The following CERT1 variants were observed in gnomAD, a reference collection of about 807,000 sequenced individuals.
The protein encoded by CERT1 is ceramide transporter 1, also known as ceramide transfer protein.
In CERT1, 31 loss-of-function variants were observed where a neutral mutation model predicts 87.9. The observed-to-expected ratio is 0.35, with a 90% CI of 0.27 to 0.48. The LOEUF (loss-of-function observed/expected upper bound fraction) is 0.48. Ranked by LOEUF, CERT1 falls within the 20% of genes least tolerant of loss-of-function variation. The pLI is 0.99. For synonymous variants in CERT1, 289 were observed against 250.9 expected, an observed-to-expected ratio of 1.15 and a Z score of -1.44; for missense variants, 487 against 758.0, an observed-to-expected ratio of 0.64 and a Z score of 4.20.
chr5:75,490,784 C>CA (rs1328692211), intron 2 of CERT1, among the ~76,000 whole-genome samples: 55 of 152,190 alleles, frequency 3.6e-4, no homozygotes, highest in Non-Finnish European at 7.4e-5. Flanking sequence ...AGGCGTGAGC[C>CA]ACTGTGCCCA....
intron 3 of CERT1, among the ~76,000 whole-genome samples, chr5:75,442,730 T>C (rs189047089): frequency 3.9e-5 from 6 of 151,900 alleles, no homozygotes; most frequent in East Asian, 3.9e-4. Flanking sequence ...TAGGTGAGTA[T>C]AGCACAGTAA....
Position 75,386,011 on chromosome 5 carries a change from T to C in CERT1, c.1308A>G (p.Glu436=). The C allele has an allele frequency of 6.3e-7, 1 of 1,575,980 alleles. No homozygotes were observed. The highest frequency in any genetic ancestry group is 1.4e-5 in the African/African-American group (1 of 73,582). ...TTAAAGGATCCAGAACAATCCCATTTTCTTCTACTTCTCTTCTGTATACCT... is the reference window on the plus strand; with the variant it reads ...TTAAAGGATCCAGAACAATCCCATTCTCTTCTACTTCTCTTCTGTATACCT... ...EMKVYRREVE[E]NGIVLDPLKA... The change falls in exon 13 of 17, where the codon GAA becomes GAG. Residue 436 remains glutamate (E), a synonymous_variant. Transcript: ENST00000643780.
intron 2 of CERT1, among the ~76,000 whole-genome samples, chr5:75,471,724 C>G (rs935846175): frequency 6.9e-6 from 1 of 144,892 alleles, no homozygotes; most frequent in South Asian, 2.1e-4. Flanking sequence ...CCACTGCACT[C>G]CAGCCTTGTG....
At chr5:75,394,668 G>A (rs904055718) in intron 11 of CERT1, among the ~76,000 whole-genome samples, 1 of 152,092 alleles carries the variant, frequency 6.6e-6, no homozygotes, top group Non-Finnish European at 1.5e-5. Context: ...AAGGTGCAGT[G>A]AGTGGTGATC....
intron 2 of CERT1, among the ~76,000 whole-genome samples, chr5:75,467,363 C>T (rs566822154): frequency 2.0e-4 from 31 of 152,112 alleles, no homozygotes; most frequent in Admixed American, 1.6e-3. Flanking sequence ...CATATGAAGC[C>T]GGACGTGGTA....
intron 2 of CERT1, among the ~76,000 whole-genome samples, chr5:75,503,078 C>T (rs1767460029): frequency 1.3e-5 from 2 of 151,998 alleles, no homozygotes; most frequent in South Asian, 4.2e-4. Flanking sequence ...ATTATTTCAC[C>T]CACTTTATTA....
intron 3 of CERT1, among the ~76,000 whole-genome samples, chr5:75,441,716 C>T (rs558483737): frequency 1.1e-3 from 162 of 152,288 alleles, no homozygotes; most frequent in Non-Finnish European, 1.7e-3. Flanking sequence ...AGTGTCCTCA[C>T]GCTTCAGTAG....
At chr5:75,435,334 T>G (rs531678304) in intron 3 of CERT1, among the ~76,000 whole-genome samples, 1 of 152,388 alleles carries the variant, frequency 6.6e-6, no homozygotes, top group African/African-American at 2.4e-5. Flanking sequence ...ACCCTTGGAC[T>G]GTTTAACTGT....
chr5:75,379,353 A>T lies in CERT1; in HGVS notation c.1868T>A (p.Leu623Ter). 1 of 1,613,010 alleles carries T rather than the reference A, an allele frequency of 6.2e-7. No homozygotes were observed. Among genetic ancestry groups the T allele is most frequent in the Non-Finnish European group, 8.5e-7 (1 of 1,179,174 alleles). Residue 623 changes from leucine (L) to a stop codon, truncating the protein, a stop_gained, in exon 17 of 17, where the codon TTG (leucine) becomes TAG (stop). Transcript: ENST00000643780. LOFTEE classifies it high-confidence loss of function. ...TTCTAGTACCTGTTAATACTAGAAC[A>T]AAATAGGCTTTCCTGCAGTTTTTTC... The part of the protein sequence containing the change: ...VQEKTAGKPI[L>*]F
intron 2 of CERT1, 136 bp from the exon 3 acceptor site, chr5:75,459,317 A>G (rs185868338): frequency 8.3e-6 from 5 of 598,990 alleles, no homozygotes; most frequent in South Asian, 6.2e-5. Flanking sequence ...TGCTCAAATA[A>G]CTTGTCTGAA....
intron 3 of CERT1, among the ~76,000 whole-genome samples, chr5:75,453,768 T>C (rs904711951): frequency 1.3e-5 from 2 of 152,292 alleles, no homozygotes; most frequent in South Asian, 2.1e-4. Context: ...TCACCATTAT[T>C]ATTGTTTAGA....
chr5:75,496,983 T>C (rs576835037), intron 2 of CERT1, among the ~76,000 whole-genome samples: 1 of 152,070 alleles, frequency 6.6e-6, no homozygotes, highest in South Asian at 2.1e-4. Context: ...TATCTTTTTT[T>C]TAAAAAAAGA....
intron 6 of CERT1, among the ~76,000 whole-genome samples, chr5:75,417,363 G>A (rs1456308003): frequency 6.6e-6 from 1 of 151,742 alleles, no homozygotes; most frequent in Non-Finnish European, 1.5e-5. Flanking sequence ...ATTATGGCAA[G>A]AACTACCTTA....
intron 1 of CERT1, among the ~76,000 whole-genome samples, chr5:75,506,947 TA>T (rs1010778349): frequency 6.6e-6 from 1 of 152,244 alleles, no homozygotes; most frequent in African/African-American, 2.4e-5. Context: ...TGTTTTTATC[TA>T]TGCTCTGGGG....
In CERT1 at chr5:75,408,781, TA is replaced by T. The variant is rs200505131; in HGVS notation, c.930+2229del. Among the ~76,000 whole-genome samples the T allele has an allele frequency of 1.4e-3, 202 of 146,862 alleles. 1 individual carries two copies. The East Asian group carries it at 0.028, about 20-fold the overall frequency. On this transcript the variant is annotated intron_variant, in intron 8 of 16. Transcript: ENST00000643780. ...TGTGTACTTCCAATGTAAAATAAAA[TA>T]AAAAAAAAAGAAACATGAATATCTG...
chr5:75,406,674 G>A (rs1451465780), intron 8 of CERT1, among the ~76,000 whole-genome samples: 1 of 151,826 alleles, frequency 6.6e-6, no homozygotes, highest in Non-Finnish European at 1.5e-5. Context: ...CGAGTAGATG[G>A]GACTACAGGT....
At chr5:75,387,122 G>C (rs1001268273) in intron 12 of CERT1, among the ~76,000 whole-genome samples, 5 of 152,002 alleles carry the variant, frequency 3.3e-5, no homozygotes, top group African/African-American at 9.7e-5. Flanking sequence ...GCCCGCCTTG[G>C]CCTCCCAAAG....
intron 11 of CERT1, among the ~76,000 whole-genome samples, chr5:75,394,792 A>G (rs1450768699): frequency 6.6e-6 from 1 of 152,214 alleles, no homozygotes; most frequent in Non-Finnish European, 1.5e-5. Context: ...TTGTTCCCAC[A>G]ATTATGCTTC....
chr5:75,445,162 A>C (rs1197717017), intron 3 of CERT1, among the ~76,000 whole-genome samples: 1 of 152,254 alleles, frequency 6.6e-6, no homozygotes, highest in African/African-American at 2.4e-5. Context: ...AACCAGTTAC[A>C]ATACTATTAG....
Sources: allele counts gnomAD v4.1 joint callset (sites outside exome capture counted in the v4.1 genomes callset), GRCh38; gene constraint gnomAD v4.1.1; transcripts MANE v1.5; gene names NCBI Gene and HGNC (gene_info 2026-07-23, HGNC 2026-07-21).